The following NRG3 variants were observed in gnomAD, a reference collection of about 807,000 sequenced individuals.
NRG3 encodes the protein pro-neuregulin-3, membrane-bound isoform.
NRG3 carries 31 observed loss-of-function variants against 66.9 expected under a neutral mutation model. The observed-to-expected ratio is 0.46, with a 90% CI of 0.35 to 0.63. The LOEUF (loss-of-function observed/expected upper bound fraction) is 0.63, where lower values mean the gene tolerates loss of function less well. NRG3 is among the 20% of genes least tolerant of loss of function. NRG3 has a pLI of 0.00. For synonymous variants in NRG3, 393 were observed against 359.4 expected, an observed-to-expected ratio of 1.09 and a Z score of -1.06; for missense variants, 910 against 878.9, an observed-to-expected ratio of 1.04 and a Z score of -0.45.
intron 2 of NRG3, among the ~76,000 whole-genome samples, chr10:82,401,384 C>A (rs1386119235): frequency 7.5e-6 from 1 of 133,764 alleles, no homozygotes; most frequent in East Asian, 2.3e-4. Context: ...TATTCACACA[C>A]ACATTATATA....
At position 82,316,816 on chromosome 10, in the gene NRG3, A is replaced by G. The variant is rs535782308; in HGVS notation, c.824-41923A>G. Among the ~76,000 whole-genome samples, 4 of 152,322 alleles carry G rather than the reference A, an allele frequency of 2.6e-5. No homozygotes were observed. In the East Asian group the frequency reaches 7.7e-4, roughly 29 times the overall value. On this transcript the variant is annotated intron_variant, in intron 1 of 8. Transcript: ENST00000372141. ...GGCCGAGCTGTAGGTTCAATTTTCT[A>G]TAATTTCAGAAAAGCAGAGCTGGGT...
At chr10:82,860,464 C>T (rs342398) in intron 3 of NRG3, among the ~76,000 whole-genome samples, 29,825 of 152,048 alleles carry the variant, frequency 0.2, 3,527 homozygotes, top group African/African-American at 0.35. Flanking sequence ...AGAGCCAAGC[C>T]GGCCTAGGCT....
rs756309470 is a variant in NRG3, at chr10:81,876,058, C to T, written c.718C>T (p.Pro240Ser). ...ATSSYLHDST[P>S]SWTLSPFQDA... is the part of the protein sequence containing the mutation. The stretch of plus-strand genomic sequence containing the variant: ...CTCCTCCTACCTTCACGATTCTACT[C>T]CCTCCTGGACCCTGTCTCCCTTTCA... The change falls in exon 1 of 9, where the codon CCC (proline) becomes TCC (serine). Residue 240 changes from proline to serine, a missense_variant. Coordinates refer to ENST00000372141, the MANE Select transcript of NRG3 (RefSeq NM_001010848.4). 1.9e-6 allele frequency: 3 copies of T among 1,613,928 alleles called. No homozygotes were observed. The Admixed American group carries it at 5.0e-5, about 27-fold the overall frequency.
intron 1 of NRG3, among the ~76,000 whole-genome samples, chr10:82,120,398 A>G (rs1320080913): frequency 1.3e-5 from 2 of 152,132 alleles, no homozygotes. Context: ...TTTAACCTAT[A>G]TTTTACAAAA....
intron 1 of NRG3, among the ~76,000 whole-genome samples, chr10:82,274,600 A>G (rs1289546927): frequency 3.3e-5 from 5 of 152,048 alleles, no homozygotes; most frequent in Non-Finnish European, 4.4e-5. Flanking sequence ...GAAACATTTC[A>G]TTCATACCAT....
At chr10:82,363,077 A>G (rs891916175) in intron 2 of NRG3, among the ~76,000 whole-genome samples, 1 of 152,218 alleles carries the variant, frequency 6.6e-6, no homozygotes, top group Non-Finnish European at 1.5e-5. Flanking sequence ...CAAAATTAAA[A>G]GACAAACTGT....
At chr10:82,479,084 A>G (rs1265873908) in intron 2 of NRG3, among the ~76,000 whole-genome samples, 1 of 152,206 alleles carries the variant, frequency 6.6e-6, no homozygotes, top group African/African-American at 2.4e-5. Flanking sequence ...TAACATTTTT[A>G]GAGAAATAGT....
chr10:82,624,632 T>C (rs1027403534), intron 2 of NRG3, among the ~76,000 whole-genome samples: 2 of 151,292 alleles, frequency 1.3e-5, no homozygotes, highest in African/African-American at 2.4e-5. Context: ...TTAACAACTT[T>C]TATTCCAGGA....
rs565187238 is a variant in NRG3 at position 82,921,886 on chromosome 10, T to C, written c.1055-29583T>C. ...GCTGATGATGTAGGTTTGTGTGGAA[T>C]TCCTATTAAGGAATGATCAAATGAT... On this transcript the variant is annotated intron_variant, in intron 4 of 8. Transcript: ENST00000372141. Among the ~76,000 whole-genome samples the C allele has an allele frequency of 4.6e-5, 7 of 152,272 alleles. No homozygotes were observed. The East Asian group carries it at 1.3e-3, about 29-fold the overall frequency.
At chr10:82,058,579 C>T (rs1198469391) in intron 1 of NRG3, among the ~76,000 whole-genome samples, 5 of 150,922 alleles carry the variant, frequency 3.3e-5, no homozygotes, top group African/African-American at 1.2e-4. Context: ...TATAAATATA[C>T]TTTTTCTAGA....
At chr10:82,504,955 A>G (rs1425574843) in intron 2 of NRG3, among the ~76,000 whole-genome samples, 1 of 152,216 alleles carries the variant, frequency 6.6e-6, no homozygotes, top group Non-Finnish European at 1.5e-5. Context: ...CTAAGTAAGA[A>G]AGAAAGGGAA....
At chr10:82,100,504 A>T (rs1424636573) in intron 1 of NRG3, among the ~76,000 whole-genome samples, 1 of 152,176 alleles carries the variant, frequency 6.6e-6, no homozygotes, top group Admixed American at 6.5e-5. Flanking sequence ...TAAATATAAC[A>T]GTAGTCTAAG....
intron 4 of NRG3, among the ~76,000 whole-genome samples, chr10:82,945,087 A>G (rs2132299636): frequency 6.6e-6 from 1 of 152,288 alleles, no homozygotes; most frequent in South Asian, 2.1e-4. Context: ...CCAGAAAGTC[A>G]CGGTATGAAG....
intron 1 of NRG3, among the ~76,000 whole-genome samples, chr10:81,923,980 A>G (rs1337146170): frequency 1.3e-5 from 2 of 152,178 alleles, no homozygotes; most frequent in Admixed American, 6.5e-5. Flanking sequence ...CAGCACTGAA[A>G]TAGGTGCTCG....
chr10:82,484,334 T>A (rs1474899622), intron 2 of NRG3, among the ~76,000 whole-genome samples: 1 of 152,214 alleles, frequency 6.6e-6, no homozygotes, highest in Non-Finnish European at 1.5e-5. Context: ...CCAAAAGATT[T>A]AACCTCACTG....
intron 1 of NRG3, among the ~76,000 whole-genome samples, chr10:82,085,613 G>A (rs1201669672): frequency 6.6e-6 from 1 of 151,910 alleles, no homozygotes; most frequent in Non-Finnish European, 1.5e-5. Flanking sequence ...TACTCCCATG[G>A]TCAAGACATT....
intron 1 of NRG3, among the ~76,000 whole-genome samples, chr10:82,154,454 A>T (rs1744386509): frequency 1.3e-5 from 2 of 151,832 alleles, no homozygotes; most frequent in Admixed American, 1.3e-4. Context: ...TGCCAGTACC[A>T]TGATGTGTGT....
intron 2 of NRG3, among the ~76,000 whole-genome samples, chr10:82,620,785 G>C (rs1285715711): frequency 6.6e-6 from 1 of 151,958 alleles, no homozygotes; most frequent in Non-Finnish European, 1.5e-5. Flanking sequence ...ACCCCTGTCT[G>C]CCCAGAATTT....
At chr10:82,657,989 T>G (rs1317644377) in intron 2 of NRG3, among the ~76,000 whole-genome samples, 1 of 151,748 alleles carries the variant, frequency 6.6e-6, no homozygotes, top group Non-Finnish European at 1.5e-5. Context: ...AAAGAAAATC[T>G]GATTCTACAC....
Sources: allele counts gnomAD v4.1 joint callset (sites outside exome capture counted in the v4.1 genomes callset), GRCh38; gene constraint gnomAD v4.1.1; transcripts MANE v1.5; gene names NCBI Gene and HGNC (gene_info 2026-07-23, HGNC 2026-07-21).